Variants in DCLK3 observed in about 807,000 individuals in gnomAD.
DCLK3 encodes the protein doublecortin like kinase 3.
A neutral mutation model predicts 46.4 loss-of-function variants in DCLK3; 30 were observed. That is an observed-to-expected ratio of 0.65 (90% CI 0.48 to 0.88). The LOEUF is 0.88. Ranked by LOEUF, DCLK3 falls within the 40% of genes least tolerant of loss-of-function variation. DCLK3 has a pLI of 0.00. For synonymous variants in DCLK3, 401 were observed against 339.2 expected, an observed-to-expected ratio of 1.18 and a Z score of -2.00; for missense variants, 846 against 907.1, an observed-to-expected ratio of 0.93 and a Z score of 0.87.
rs2125530508 is a variant in DCLK3, at chr3:36,737,832, G to A, written c.1335C>T (p.Leu445=). ...CAAAGCCCGCCTGGTGCTCTCTCAG[G>A]AGCCAGCCACCATGTTTGCTCCTGC... The part of the protein sequence containing the change: ...PMSRSKHGGW[L]LREHQAGFEK... The change falls in exon 2 of 5, where the codon CTC becomes CTT. Residue 445 remains leucine, a synonymous_variant. Transcript: ENST00000636136. The surrounding 1 kb of genome is among the most constrained non-coding windows in gnomAD (Gnocchi z 4.4). 1 of 1,613,960 alleles carries A rather than the reference G, an allele frequency of 6.2e-7. No homozygotes were observed. Among genetic ancestry groups the A allele is most frequent in the Non-Finnish European group, 8.5e-7 (1 of 1,180,030 alleles).
At chr3:36,723,509 G>A (rs1475091014) in intron 2 of DCLK3, among the ~76,000 whole-genome samples, 1 of 152,184 alleles carries the variant, frequency 6.6e-6, no homozygotes, top group Non-Finnish European at 1.5e-5. Flanking sequence ...TATCACAGGT[G>A]TAGAGACCTA....
At chr3:36,740,122 C>CTTTTTTT (rs1179146362) in intron 1 of DCLK3, among the ~76,000 whole-genome samples, 8 of 99,696 alleles carry the variant, frequency 8.0e-5, no homozygotes, top group African/African-American at 1.1e-4. Flanking sequence ...ATTTGCATTT[C>CTTTTTTT]TTTTTTTTTT....
At chr3:36,750,230 A>C (rs1046891115) in intron 1 of DCLK3, among the ~76,000 whole-genome samples, 3 of 152,028 alleles carry the variant, frequency 2.0e-5, no homozygotes, top group South Asian at 4.1e-4. Flanking sequence ...ACAGGCATGT[A>C]CTACCACGCC....
At chr3:36,763,191 A>G (rs1372243494) in intron 1 of DCLK3, among the ~76,000 whole-genome samples, 1 of 152,254 alleles carries the variant, frequency 6.6e-6, no homozygotes, top group Non-Finnish European at 1.5e-5. Flanking sequence ...CCCTGCTTCA[A>G]TTTAACAGCT....
intron 1 of DCLK3, among the ~76,000 whole-genome samples, chr3:36,762,604 G>A (rs1701549506): frequency 6.6e-6 from 1 of 152,084 alleles, no homozygotes; most frequent in Non-Finnish European, 1.5e-5. Context: ...CATTGAGGAG[G>A]GGCTGCCCCA....
chr3:36,725,556 G>A (rs1280610188), intron 2 of DCLK3, among the ~76,000 whole-genome samples: 1 of 152,170 alleles, frequency 6.6e-6, no homozygotes, highest in Non-Finnish European at 1.5e-5. Context: ...AGTCGAGGCT[G>A]CAGTGTGCCA....
At chr3:36,749,623 ACT>A (rs1182386450) in intron 1 of DCLK3, among the ~76,000 whole-genome samples, 1 of 152,054 alleles carries the variant, frequency 6.6e-6, no homozygotes, top group African/African-American at 2.4e-5. Context: ...GGATCTGAAG[ACT>A]CTCACACCTC....
intron 1 of DCLK3, among the ~76,000 whole-genome samples, chr3:36,741,746 A>G (rs537537224): frequency 3.1e-4 from 47 of 152,356 alleles, no homozygotes; most frequent in African/African-American, 1.1e-3. Context: ...ACATGGAGAA[A>G]TGAATGGTCA....
At chr3:36,743,913 TTC>T (rs1262062743) in intron 1 of DCLK3, among the ~76,000 whole-genome samples, 2 of 152,110 alleles carry the variant, frequency 1.3e-5, no homozygotes, top group Non-Finnish European at 2.9e-5. Context: ...CTCCCAAACC[TTC>T]TCTGTCCTCG....
chr3:36,746,311 T>C (rs1701392819), intron 1 of DCLK3, among the ~76,000 whole-genome samples: 1 of 152,230 alleles, frequency 6.6e-6, no homozygotes, highest in Non-Finnish European at 1.5e-5. Context: ...TACTTTTTTC[T>C]AAGCTACTCG....
At position 36,729,251 on chromosome 3, in the gene DCLK3, G is replaced by GC. The variant is rs201427572; in HGVS notation, c.1960-7593_1960-7592insG. ...TTTCCCGGGTTGTGTGTGTGTGTGG[G>GC]GGGGGGGGGTACAAAAGCCCCCTTT... On this transcript the variant is annotated intron_variant, in intron 2 of 4. Coordinates refer to ENST00000636136, the MANE Select transcript of DCLK3 (RefSeq NM_001394672.2). Among the ~76,000 whole-genome samples, 3 of 105,670 alleles carry GC rather than the reference G, an allele frequency of 2.8e-5. No homozygotes were observed. In the East Asian group the frequency reaches 6.2e-4, roughly 22 times the overall value. The allele number at this position is 105,670 out of a possible 152,430, so 69.3% of individuals were successfully genotyped here. A position where few individuals can be genotyped will look rare whatever the true frequency, so the allele number is the denominator to read the frequency against.
chr3:36,751,075 A>AAAAAAAAAAAAAAAAAAAAAAAAT (rs1701437289), intron 1 of DCLK3, among the ~76,000 whole-genome samples: 1 of 150,866 alleles, frequency 6.6e-6, no homozygotes, highest in Non-Finnish European at 1.5e-5. Flanking sequence ...AAAAAAAAAA[A>AAAAAAAAAAAAAAAAAAAAAAAAT]AAAAAAAAAA....
In DCLK3 at chr3:36,715,330, A is replaced by C. The variant is rs199761100; in HGVS notation, c.2452T>G (p.Ter818GluextTer27). 2.0e-4 allele frequency: 318 copies of C among 1,614,134 alleles called. No homozygotes were observed. The African/African-American group carries it at 3.6e-3, about 18-fold the overall frequency. Residue 818 changes from the stop codon to glutamate, a stop_lost, in exon 5 of 5, where the codon TAG becomes GAG. Coordinates refer to ENST00000636136, the MANE Select transcript of DCLK3 (RefSeq NM_001394672.2). Reference sequence around the variant, plus strand: ...TGGACAGATTCCCAAGGTGGTGACTATGATACCTGCTCCACAACCCTCTTG... The same window carrying C: ...TGGACAGATTCCCAAGGTGGTGACTCTGATACCTGCTCCACAACCCTCTTG... ...QHKRVVEQVS[*>E]
Position 36,718,166 on chromosome 3 carries a change from C to G in DCLK3, c.2104G>C (p.Glu702Gln), listed in dbSNP as rs775812169. The change falls in exon 4 of 5, where the codon GAG becomes CAG. Residue 702 changes from glutamate (E) to glutamine (Q), a missense_variant. Transcript: ENST00000636136. ...EILSEKGYGLEVDMWAAGVIL... is the reference protein window; with the variant it reads ...EILSEKGYGLQVDMWAAGVIL... The stretch of plus-strand genomic sequence containing the variant: ...ACGCCAGCAGCCCACATGTCCACCT[C>G]CAGTCCATAACCTGCGCAGACAGAG... 1.2e-6 allele frequency: 2 copies of G among 1,613,898 alleles called. No homozygotes were observed. Among genetic ancestry groups the G allele is most frequent in the Non-Finnish European group, 1.7e-6 (2 of 1,180,020 alleles).
In DCLK3 at chr3:36,737,073, T is replaced by C. The variant is rs1701271796; in HGVS notation, c.1959+135A>G. 1 of 1,272,584 alleles carries C rather than the reference T, an allele frequency of 7.9e-7. No individual in the cohort carries two copies. Among genetic ancestry groups the C allele is most frequent in the South Asian group, 1.6e-5 (1 of 60,958 alleles). 78.8% of individuals were successfully genotyped at this position (1,272,584 alleles called of 1,614,324 possible). A position where few individuals can be genotyped will look rare whatever the true frequency, so the allele number is the denominator to read the frequency against. The stretch of plus-strand genomic sequence containing the variant: ...GACCTATAACCATAGTTTTAAATAC[T>C]GGAACAAGTATGTTATAATAACATA... On this transcript the variant is annotated intron_variant, in intron 2 of 4. Transcript: ENST00000636136. This position sits in a 1 kb window ranked among gnomAD's most constrained non-coding sequence, Gnocchi z 4.4.
intron 3 of DCLK3, among the ~76,000 whole-genome samples, chr3:36,721,006 T>C (rs1439827481): frequency 6.6e-6 from 1 of 152,230 alleles, no homozygotes; most frequent in Non-Finnish European, 1.5e-5. Context: ...TATTTCCTTT[T>C]TAAATGTTTT....
At chr3:36,727,270 A>G (rs1193989078) in intron 2 of DCLK3, among the ~76,000 whole-genome samples, 1 of 152,122 alleles carries the variant, frequency 6.6e-6, no homozygotes, top group Non-Finnish European at 1.5e-5. Flanking sequence ...GCCTGGGTGA[A>G]AGGATGAAGC....
At chr3:36,716,311 A>G (rs762942543) in intron 4 of DCLK3, among the ~76,000 whole-genome samples, 1 of 152,126 alleles carries the variant, frequency 6.6e-6, no homozygotes, top group Non-Finnish European at 1.5e-5. Context: ...GCCTTTATTG[A>G]AGGCTGTCTC....
At chr3:36,734,134 T>C (rs1267077397) in intron 2 of DCLK3, among the ~76,000 whole-genome samples, 29 of 152,222 alleles carry the variant, frequency 1.9e-4, no homozygotes, top group Admixed American at 1.9e-3. Context: ...GTGATATTTA[T>C]GAATATTTTA....
Sources: gnomAD v4.1 joint callset for allele counts (sites outside exome capture counted in the v4.1 genomes callset) on GRCh38, gnomAD v4.1.1 for gene constraint, Gnocchi (gnomAD v3.1) non-coding constraint, MANE v1.5 for transcripts, NCBI Gene and HGNC (gene_info 2026-07-23, HGNC 2026-07-21) for gene names.